Variants in NYAP2 observed in about 807,000 individuals in gnomAD.
NYAP2 encodes the protein neuronal tyrosine-phosphorylated phosphoinositide-3-kinase adaptor 2.
In NYAP2, 23 loss-of-function variants were observed where a neutral mutation model predicts 50.4. The observed-to-expected ratio is 0.46, with a 90% CI of 0.33 to 0.65. The LOEUF (loss-of-function observed/expected upper bound fraction) is 0.65. Ranked by LOEUF, NYAP2 falls within the 30% of genes least tolerant of loss-of-function variation. The pLI is 0.02. For synonymous variants in NYAP2, 394 were observed against 365.2 expected (o/e 1.08, Z -0.90); for missense variants, 885 against 861.0 (o/e 1.03, Z -0.35).
At chr2:225,661,115 T>G in the NYAP2 span, among the ~76,000 whole-genome samples, 3 of 152,232 alleles carry the variant, frequency 2.0e-5, no homozygotes, top group African/African-American at 7.2e-5. Flanking sequence ...TCTTTTGTTT[T>G]CCATTAACAT....
intron 3 of NYAP2, among the ~76,000 whole-genome samples, chr2:225,437,546 C>G (rs1559179455): frequency 6.6e-6 from 1 of 152,152 alleles, no homozygotes; most frequent in Non-Finnish European, 1.5e-5. Context: ...CTTCCTGCCA[C>G]TAATTGGAAC....
chr2:225,651,156 G>A (rs1421576866), intron 6 of NYAP2, among the ~76,000 whole-genome samples: 1 of 152,198 alleles, frequency 6.6e-6, no homozygotes, highest in Non-Finnish European at 1.5e-5. Flanking sequence ...CTCCAGGGAT[G>A]ACTCCATAGA....
At chr2:225,670,320 G>T in the NYAP2 span, among the ~76,000 whole-genome samples, 1 of 152,062 alleles carries the variant, frequency 6.6e-6, no homozygotes, top group Non-Finnish European at 1.5e-5. Flanking sequence ...CAGAACCCTG[G>T]AATGTTGTAC....
chr2:225,476,184 C>T (rs1263501079), intron 3 of NYAP2, among the ~76,000 whole-genome samples: 7 of 152,186 alleles, frequency 4.6e-5, no homozygotes, highest in Admixed American at 1.3e-4. Context: ...GAGGCCTAGG[C>T]GGGCGGATCA....
At chr2:225,635,572 C>A (rs1446570181) in intron 6 of NYAP2, among the ~76,000 whole-genome samples, 1 of 152,172 alleles carries the variant, frequency 6.6e-6, no homozygotes, top group African/African-American at 2.4e-5. Flanking sequence ...TTTGAAAGAT[C>A]AGCACATTGC....
intron 4 of NYAP2, among the ~76,000 whole-genome samples, chr2:225,579,193 A>G (rs992196294): frequency 6.6e-6 from 1 of 151,980 alleles, no homozygotes; most frequent in African/African-American, 2.4e-5. Flanking sequence ...AAGCCTAATT[A>G]TCTCCCAAAG....
chr2:225,541,847 A>C (rs1691478710), intron 4 of NYAP2, among the ~76,000 whole-genome samples: 1 of 152,092 alleles, frequency 6.6e-6, no homozygotes, highest in Non-Finnish European at 1.5e-5. Flanking sequence ...ATTTTGATAA[A>C]GGTTGCATTG....
rs766364300 is a variant in NYAP2 at position 225,582,856 on chromosome 2, T to A, written c.1439T>A (p.Val480Glu). 4.3e-6 allele frequency: 7 copies of A among 1,613,688 alleles called. No homozygotes were observed. Among genetic ancestry groups the A allele is most frequent in the Middle Eastern group, 1.6e-4 (1 of 6,062 alleles). ...GTGCCTCACTCGACCCCCAGACCCG[T>A]GTCGCAAGATGGGGCCAAGATGGTC... The change falls in exon 5 of 7, where the codon GTG becomes GAG. Residue 480 changes from valine to glutamate, a missense_variant. Val to Glu is a moderately radical substitution (Grantham distance 121, BLOSUM62 -2). Transcript: ENST00000636099. This position sits in a 1 kb window ranked among gnomAD's most constrained non-coding sequence, Gnocchi z 7.0.
At chr2:225,614,366 ATT>A (rs1315918890) in intron 5 of NYAP2, among the ~76,000 whole-genome samples, 3 of 152,220 alleles carry the variant, frequency 2.0e-5, no homozygotes, top group Non-Finnish European at 4.4e-5. Context: ...ATGAAAAACT[ATT>A]TGAAAATTTT....
At chr2:225,594,907 A>G (rs1342901277) in intron 5 of NYAP2, among the ~76,000 whole-genome samples, 1 of 152,198 alleles carries the variant, frequency 6.6e-6, no homozygotes, top group African/African-American at 2.4e-5. Context: ...CAAATGGAAG[A>G]AGTAAAAATA....
chr2:225,426,196 A>G (rs1389331973), intron 3 of NYAP2, among the ~76,000 whole-genome samples: 13 of 151,966 alleles, frequency 8.6e-5, no homozygotes, highest in African/African-American at 3.1e-4. Flanking sequence ...AATATAATGT[A>G]GCAGTGGGAT....
At chr2:225,495,266 G>A (rs1270898247) in intron 3 of NYAP2, among the ~76,000 whole-genome samples, 2 of 152,124 alleles carry the variant, frequency 1.3e-5, no homozygotes, top group South Asian at 2.1e-4. Context: ...GAATTTGGGG[G>A]AATATCTATT....
rs539604982 is a variant in NYAP2 at position 225,434,751 on chromosome 2, A to C, written c.221+25650A>C. Among the ~76,000 whole-genome samples, 5 of 152,312 alleles carry C rather than the reference A, an allele frequency of 3.3e-5. No individual in the cohort carries two copies. In the East Asian group the frequency reaches 9.7e-4, roughly 29 times the overall value. On this transcript the variant is annotated intron_variant, in intron 3 of 6. Transcript: ENST00000636099. ...ATACATGTTTCTATATTATCATTTA[A>C]TGTGTTGGACACGTTTCATTAAGTG...
At chr2:225,586,393 TG>T (rs1248073084) in intron 5 of NYAP2, among the ~76,000 whole-genome samples, 68 of 152,192 alleles carry the variant, frequency 4.5e-4, no homozygotes, top group Admixed American at 4.3e-3. Flanking sequence ...GATGGGACAT[TG>T]TTATGTTTAT....
At chr2:225,568,536 A>AC (rs1395802545) in intron 4 of NYAP2, among the ~76,000 whole-genome samples, 1 of 152,198 alleles carries the variant, frequency 6.6e-6, no homozygotes, top group Non-Finnish European at 1.5e-5. Context: ...GCCGATTCTA[A>AC]TACTGTCAAA....
intron 6 of NYAP2, among the ~76,000 whole-genome samples, chr2:225,643,061 A>G (rs1693560102): frequency 1.3e-5 from 2 of 152,344 alleles, no homozygotes; most frequent in South Asian, 4.1e-4. Context: ...AAACTAGCTC[A>G]TGATTAATCA....
intron 4 of NYAP2, among the ~76,000 whole-genome samples, chr2:225,580,396 C>A (rs1037462623): frequency 6.6e-6 from 1 of 152,166 alleles, no homozygotes; most frequent in Non-Finnish European, 1.5e-5. Flanking sequence ...ATAGTTTTCA[C>A]CCCATTTTGT....
chr2:225,617,553 T>C (rs1693010921), intron 5 of NYAP2, among the ~76,000 whole-genome samples: 1 of 152,210 alleles, frequency 6.6e-6, no homozygotes, highest in African/African-American at 2.4e-5. Flanking sequence ...TGAATCCTTT[T>C]AAATATTGCA....
chr2:225,403,580 A>T lies in NYAP2; in HGVS notation c.-18+2537A>T, dbSNP rs1694895755. ...TTAGGAAGCCATTCTTTCCCAAAAC[A>T]GAGCCTTTTCTCCCTCCACCACTTA... On this transcript the variant is annotated intron_variant, in intron 2 of 6. Transcript: ENST00000636099. 2.6e-5 allele frequency among the ~76,000 whole-genome samples: 4 copies of T among 151,982 alleles called. No homozygotes were observed. In the South Asian group the frequency reaches 8.3e-4, roughly 31 times the overall value.
Sources: gnomAD v4.1 joint callset for allele counts (sites outside exome capture counted in the v4.1 genomes callset) on GRCh38, gnomAD v4.1.1 for gene constraint, Gnocchi (gnomAD v3.1) non-coding constraint, MANE v1.5 for transcripts, NCBI Gene and HGNC (gene_info 2026-07-23, HGNC 2026-07-21) for gene names.